MARCHF1: variants seen among roughly 807,000 people sequenced by gnomAD.
MARCHF1 encodes membrane associated ring-CH-type finger 1, also known as E3 ubiquitin-protein ligase MARCHF1.
Under a neutral mutation model 54.2 loss-of-function variants are expected in MARCHF1, and 40 were observed. The ratio of observed to expected loss-of-function variants is 0.74; its 90% CI spans 0.57 to 0.96. The LOEUF is 0.96. Ranked by LOEUF, MARCHF1 falls within the 40% of genes least tolerant of loss-of-function variation. The probability of loss-of-function intolerance (pLI) is 0.00; values close to 1 mark genes in which losing one functional copy is unlikely to be tolerated. For missense variants in MARCHF1, 586 were observed against 656.5 expected, an observed-to-expected ratio of 0.89 and a Z score of 1.17; for synonymous variants, 236 against 236.3, an observed-to-expected ratio of 1.00 and a Z score of 0.01.
intron 4 of MARCHF1, among the ~76,000 whole-genome samples, chr4:163,838,824 C>A (rs1235001666): frequency 1.3e-5 from 2 of 151,978 alleles, no homozygotes; most frequent in African/African-American, 4.8e-5. Flanking sequence ...AGGAGTAAAT[C>A]TTTGTGATCT....
At chr4:163,721,708 C>A (rs1261750507) in intron 4 of MARCHF1, among the ~76,000 whole-genome samples, 1 of 152,048 alleles carries the variant, frequency 6.6e-6, no homozygotes, top group Admixed American at 6.5e-5. Flanking sequence ...AATTTCAGAG[C>A]CTGTTATTTG....
chr4:163,919,029 G>A (rs1259388867), intron 3 of MARCHF1, among the ~76,000 whole-genome samples: 2 of 151,964 alleles, frequency 1.3e-5, no homozygotes. Flanking sequence ...AAGACCATAA[G>A]CATTTCTAAA....
At chr4:164,032,693 A>G (rs1753903639) in intron 2 of MARCHF1, among the ~76,000 whole-genome samples, 1 of 152,164 alleles carries the variant, frequency 6.6e-6, no homozygotes, top group Non-Finnish European at 1.5e-5. Flanking sequence ...CTGTGGTCTA[A>G]CAGACCGTTT....
chr4:163,729,015 T>C (rs1212765893), intron 4 of MARCHF1, among the ~76,000 whole-genome samples: 1 of 152,162 alleles, frequency 6.6e-6, no homozygotes, highest in Non-Finnish European at 1.5e-5. Context: ...TTTTCTTCTG[T>C]ATCTATTGAT....
intron 1 of MARCHF1, among the ~76,000 whole-genome samples, chr4:164,296,403 C>T (rs1261981873): frequency 1.3e-5 from 2 of 152,172 alleles, no homozygotes; most frequent in African/African-American, 4.8e-5. Flanking sequence ...GAGCGAGTCT[C>T]GCTCTGTCAC....
chr4:164,188,619 C>T (rs571083124), intron 1 of MARCHF1: 295 of 983,732 alleles, frequency 3.0e-4, no homozygotes, highest in Non-Finnish European at 4.3e-4. Context: ...GATGCCGCCA[C>T]GAACCAGCTC....
intron 1 of MARCHF1, chr4:164,188,898 C>G (rs899605860): frequency 1.3e-6 from 1 of 774,160 alleles, no homozygotes; most frequent in Non-Finnish European, 2.4e-6. Context: ...ACCTTACCAG[C>G]CTATTTCAAT....
intron 5 of MARCHF1, among the ~76,000 whole-genome samples, chr4:163,635,920 G>A (rs1486172156): frequency 1.3e-5 from 2 of 152,112 alleles, no homozygotes; most frequent in Non-Finnish European, 2.9e-5. Flanking sequence ...TTCATCCCTG[G>A]GATGCAAGGT....
chr4:164,336,270 G>A (rs1255221847), intron 1 of MARCHF1, among the ~76,000 whole-genome samples: 1 of 152,158 alleles, frequency 6.6e-6, no homozygotes, highest in African/African-American at 2.4e-5. Context: ...ACATTAAGAA[G>A]TGGTGTTATG....
chr4:164,106,643 C>T (rs1000463713), intron 2 of MARCHF1, among the ~76,000 whole-genome samples: 1 of 149,578 alleles, frequency 6.7e-6, no homozygotes. Flanking sequence ...GGAGGGATAA[C>T]ATCGGGAGAT....
chr4:163,529,343 A>C (rs1738265609), intron 9 of MARCHF1, among the ~76,000 whole-genome samples: 1 of 151,982 alleles, frequency 6.6e-6, no homozygotes, highest in Non-Finnish European at 1.5e-5. Context: ...ATTATGTTAG[A>C]TTTTGGACAT....
chr4:163,989,933 TC>T (rs942521046), intron 2 of MARCHF1, among the ~76,000 whole-genome samples: 1 of 152,186 alleles, frequency 6.6e-6, no homozygotes, highest in African/African-American at 2.4e-5. Context: ...TTAGAATTTT[TC>T]CCTAATCACA....
intron 1 of MARCHF1, among the ~76,000 whole-genome samples, chr4:164,356,565 A>G (rs1730544341): frequency 7.4e-6 from 1 of 134,286 alleles, no homozygotes; most frequent in Non-Finnish European, 1.6e-5. Context: ...GAATTGAACA[A>G]TGAGATCACA....
chr4:163,642,534 T>C (rs949126079), intron 5 of MARCHF1, among the ~76,000 whole-genome samples: 3 of 152,216 alleles, frequency 2.0e-5, no homozygotes, highest in Non-Finnish European at 2.9e-5. Flanking sequence ...GTTGGCTTGA[T>C]TGCATATTTG....
intron 3 of MARCHF1, among the ~76,000 whole-genome samples, chr4:163,876,096 T>A (rs1750281005): frequency 6.6e-6 from 1 of 152,130 alleles, no homozygotes; most frequent in Non-Finnish European, 1.5e-5. Flanking sequence ...AGAAATTATA[T>A]CATGACAAAC....
intron 4 of MARCHF1, among the ~76,000 whole-genome samples, chr4:163,807,456 T>C (rs900633567): frequency 6.6e-6 from 1 of 152,218 alleles, no homozygotes. Flanking sequence ...ATTTCATTTT[T>C]TGAAATTTAG....
intron 1 of MARCHF1, among the ~76,000 whole-genome samples, chr4:164,297,931 G>T (rs1170628530): frequency 6.6e-6 from 1 of 152,128 alleles, no homozygotes; most frequent in East Asian, 1.9e-4. Flanking sequence ...TAGATATCAT[G>T]AATCTCCTCA....
intron 3 of MARCHF1, among the ~76,000 whole-genome samples, chr4:163,882,641 T>A (rs1750442159): frequency 6.6e-6 from 1 of 152,192 alleles, no homozygotes; most frequent in Non-Finnish European, 1.5e-5. Flanking sequence ...TCCTCTCACT[T>A]TAAAATTTTA....
chr4:163,641,151 A>G (rs979070840), intron 5 of MARCHF1, among the ~76,000 whole-genome samples: 1 of 152,120 alleles, frequency 6.6e-6, no homozygotes, highest in Non-Finnish European at 1.5e-5. Context: ...TCATTCTTAC[A>G]TTTCTCACAT....
Sources: allele counts gnomAD v4.1 joint callset (sites outside exome capture counted in the v4.1 genomes callset), GRCh38; gene constraint gnomAD v4.1.1; transcripts MANE v1.5; gene names NCBI Gene and HGNC (gene_info 2026-07-23, HGNC 2026-07-21).